Variants in LOC400499 observed in about 807,000 individuals in gnomAD.
At chr16:11,468,536 G>A in the LOC400499 span, among the ~76,000 whole-genome samples, 1 of 152,252 alleles carries the variant, frequency 6.6e-6, no homozygotes, top group South Asian at 2.1e-4. Context: ...ATGTTGCCCA[G>A]GTTTATCTCG....
the LOC400499 span, chr16:11,384,755 G>C: frequency 1.3e-6 from 1 of 754,356 alleles, no homozygotes; most frequent in African/African-American, 1.8e-5. Flanking sequence ...GGGCACACGC[G>C]CTGCCATGCT....
chr16:11,433,494 T>C, the LOC400499 span, among the ~76,000 whole-genome samples: 58 of 152,272 alleles, frequency 3.8e-4, no homozygotes, highest in Admixed American at 5.9e-4. Context: ...ATAGGAAATA[T>C]ATATTTGGTC....
chr16:11,382,859 C>T, the LOC400499 span, among the ~76,000 whole-genome samples: 1 of 152,138 alleles, frequency 6.6e-6, no homozygotes. Flanking sequence ...TAATGTGGCT[C>T]TGTGGACACT....
chr16:11,493,520 G>C, the LOC400499 span: 1 of 388,842 alleles, frequency 2.6e-6, no homozygotes, highest in East Asian at 3.6e-5. Flanking sequence ...CTAGTACCCA[G>C]CCCACAGTAG....
At chr16:11,447,848 G>A in the LOC400499 span, 1 of 1,442,682 alleles carries the variant, frequency 6.9e-7, no homozygotes. Flanking sequence ...AGGTAGCTCT[G>A]CCCATCCTGT....
the LOC400499 span, among the ~76,000 whole-genome samples, chr16:11,483,429 C>T: frequency 6.6e-6 from 1 of 152,052 alleles, no homozygotes; most frequent in Non-Finnish European, 1.5e-5. Flanking sequence ...AATGGAGAAA[C>T]AAACTGTGGT....
At chr16:11,380,428 A>G in the LOC400499 span, among the ~76,000 whole-genome samples, 3 of 152,116 alleles carry the variant, frequency 2.0e-5, no homozygotes, top group African/African-American at 7.2e-5. Flanking sequence ...AAAAATACAA[A>G]AATTCGCCGG....
chr16:11,486,658 G>A, the LOC400499 span, among the ~76,000 whole-genome samples: 1 of 102,020 alleles, frequency 9.8e-6, no homozygotes, highest in African/African-American at 4.0e-5. Context: ...ATGAATGGAT[G>A]ATGGGTGGGT....
chr16:11,492,173 G>A, the LOC400499 span, among the ~76,000 whole-genome samples: 3 of 152,118 alleles, frequency 2.0e-5, no homozygotes, highest in South Asian at 6.2e-4. Flanking sequence ...TAAATGTCTT[G>A]GCCTTCCTAG....
the LOC400499 span, chr16:11,413,018 T>TG: frequency 7.5e-6 from 3 of 398,438 alleles, no homozygotes; most frequent in African/African-American, 6.2e-5. Context: ...ACAGGCTGGG[T>TG]GGGGACCCCA....
At chr16:11,376,317 C>T in the LOC400499 span, among the ~76,000 whole-genome samples, 905 of 151,534 alleles carry the variant, frequency 6.0e-3, 5 homozygotes, top group Admixed American at 9.1e-3. Context: ...AGTTTTAGCT[C>T]TTACAGTTAG....
At chr16:11,395,454 G>A in the LOC400499 span, among the ~76,000 whole-genome samples, 10 of 152,190 alleles carry the variant, frequency 6.6e-5, no homozygotes, top group Non-Finnish European at 1.2e-4. Context: ...TTACAGAGCC[G>A]GGGGCAGGCA....
chr16:11,380,408 C>T, the LOC400499 span, among the ~76,000 whole-genome samples: 1 of 152,072 alleles, frequency 6.6e-6, no homozygotes, highest in Non-Finnish European at 1.5e-5. Flanking sequence ...GGTGAAACCT[C>T]GTCTCTACTA....
the LOC400499 span, chr16:11,425,278 G>A: frequency 7.5e-6 from 3 of 399,096 alleles, no homozygotes; most frequent in East Asian, 3.6e-5. Flanking sequence ...GCCTGCAGCC[G>A]GCCCTTCAGC....
At chr16:11,518,795 C>G in the LOC400499 span, 4 of 398,362 alleles carry the variant, frequency 1.0e-5, no homozygotes, top group African/African-American at 4.1e-5. Context: ...TTGTCCTAAT[C>G]TAATTCAGTG....
the LOC400499 span, chr16:11,384,376 C>A: frequency 1.5e-4 from 154 of 1,011,720 alleles, 1 homozygote; most frequent in African/African-American, 2.3e-3. Context: ...GTGATCCTCC[C>A]CCAGCCCCAG....
the LOC400499 span, chr16:11,485,031 G>C: frequency 2.5e-6 from 1 of 399,036 alleles, no homozygotes; most frequent in East Asian, 3.6e-5. Context: ...CTGCCAAACA[G>C]CCTGTGAGCA....
chr16:11,386,334 G>A, the LOC400499 span, among the ~76,000 whole-genome samples: 1 of 152,260 alleles, frequency 6.6e-6, no homozygotes, highest in Non-Finnish European at 1.5e-5. Flanking sequence ...CCAGCATCCT[G>A]AGGGAGGCAG....
At chr16:11,442,911 C>G in the LOC400499 span, among the ~76,000 whole-genome samples, 5 of 152,086 alleles carry the variant, frequency 3.3e-5, no homozygotes, top group Non-Finnish European at 7.4e-5. Flanking sequence ...CTACCTTATC[C>G]CCGGGGAGCC....
Sources: allele counts gnomAD v4.1 joint callset (sites outside exome capture counted in the v4.1 genomes callset), GRCh38; gene constraint gnomAD v4.1.1; transcripts MANE v1.5.